Variants in ADAMTSL3 observed in about 807,000 individuals in gnomAD.
ADAMTSL3 encodes the protein ADAMTS-like protein 3.
A neutral mutation model predicts 201.7 loss-of-function variants in ADAMTSL3; 128 were observed. That is an observed-to-expected ratio of 0.63 (90% confidence interval 0.55 to 0.73). The LOEUF (loss-of-function observed/expected upper bound fraction) is 0.73, where lower values mean the gene tolerates loss of function less well. ADAMTSL3 is among the 30% of genes least tolerant of loss of function. The pLI is 0.00. For synonymous variants in ADAMTSL3, 738 were observed against 748.4 expected, an observed-to-expected ratio of 0.99 and a Z score of 0.23; for missense variants, 1,990 against 2,119.6, an observed-to-expected ratio of 0.94 and a Z score of 1.20.
At chr15:83,788,179 TTTCAC>T (rs1404867453) in intron 4 of ADAMTSL3, among the ~76,000 whole-genome samples, 2 of 152,158 alleles carry the variant, frequency 1.3e-5, no homozygotes. Context: ...TCATTCTAAT[TTTCAC>T]TTCACTAATT....
At chr15:83,724,735 T>A (rs2062148823) in intron 3 of ADAMTSL3, among the ~76,000 whole-genome samples, 1 of 152,152 alleles carries the variant, frequency 6.6e-6, no homozygotes, top group Admixed American at 6.6e-5. Flanking sequence ...ACCATTCTAC[T>A]GTGTATCCCC....
chr15:83,912,712 A>G (rs7174128), intron 15 of ADAMTSL3, among the ~76,000 whole-genome samples: 2,339 of 152,314 alleles, frequency 0.015, 60 homozygotes, highest in African/African-American at 0.05. Context: ...ATACTAATTT[A>G]CTGAATAAAT....
chr15:83,730,130 G>A (rs1332798449), intron 3 of ADAMTSL3, among the ~76,000 whole-genome samples: 1 of 152,104 alleles, frequency 6.6e-6, no homozygotes, highest in Non-Finnish European at 1.5e-5. Flanking sequence ...AAGTGTCAGA[G>A]AACAGGCAAC....
intron 3 of ADAMTSL3, among the ~76,000 whole-genome samples, chr15:83,745,013 T>G (rs995150071): frequency 6.6e-6 from 1 of 152,212 alleles, no homozygotes; most frequent in African/African-American, 2.4e-5. Context: ...TGTTTGCCTT[T>G]TCCAAAACCA....
chr15:84,007,504 A>G lies in ADAMTSL3; in HGVS notation c.3974-7038A>G, dbSNP rs146181085. 2.8e-4 allele frequency among the ~76,000 whole-genome samples: 43 copies of G among 152,230 alleles called. No individual in the cohort carries two copies. In the East Asian group the frequency reaches 8.1e-3, roughly 29 times the overall value. On this transcript the variant is annotated intron_variant, in intron 23 of 29. Transcript: ENST00000286744. The stretch of plus-strand genomic sequence containing the variant: ...CAGAAGTTTGAAGCTTCCGTATGCT[A>G]TGATCATGCCTGTGCATAGCCACTG...
At chr15:83,804,726 A>G (rs368786380) in intron 5 of ADAMTSL3, 31 bp downstream of exon 5, 18 of 1,507,940 alleles carry the variant, frequency 1.2e-5, no homozygotes, top group South Asian at 2.6e-5. Context: ...ATTTTATCCA[A>G]TACAATATGT....
intron 19 of ADAMTSL3, among the ~76,000 whole-genome samples, chr15:83,966,920 A>G (rs1185195638): frequency 6.6e-6 from 1 of 152,236 alleles, no homozygotes; most frequent in African/African-American, 2.4e-5. Context: ...AACAGAACCA[A>G]TTACAAAAAC....
At chr15:83,783,570 C>T (rs1393163241) in intron 4 of ADAMTSL3, among the ~76,000 whole-genome samples, 1 of 151,254 alleles carries the variant, frequency 6.6e-6, no homozygotes, top group Non-Finnish European at 1.5e-5. Context: ...ATAATGTGAA[C>T]CAAAATGAAA....
intron 29 of ADAMTSL3, among the ~76,000 whole-genome samples, 189 bp downstream of exon 29, chr15:84,037,176 T>C (rs2068527770): frequency 6.6e-6 from 1 of 152,164 alleles, no homozygotes; most frequent in African/African-American, 2.4e-5. Context: ...TGCAGCTGCA[T>C]GTTCTCTAGA....
intron 17 of ADAMTSL3, among the ~76,000 whole-genome samples, chr15:83,929,809 C>G (rs1227933009): frequency 6.6e-6 from 1 of 151,620 alleles, no homozygotes; most frequent in Non-Finnish European, 1.5e-5. Context: ...CACACTCAGA[C>G]TCACCCTAAG....
At chr15:83,678,722 CAATATATATATTGCCT>C (rs1300803407) in intron 2 of ADAMTSL3, among the ~76,000 whole-genome samples, 2 of 140,014 alleles carry the variant, frequency 1.4e-5, no homozygotes, top group Non-Finnish European at 3.1e-5. Context: ...TTATTTTAGG[CAATATATATATTGCCT>C]AATATATATA....
chr15:84,022,252 C>A (rs948707366), intron 26 of ADAMTSL3, among the ~76,000 whole-genome samples: 6 of 152,076 alleles, frequency 3.9e-5, no homozygotes, highest in African/African-American at 1.4e-4. Context: ...ATGGACTACT[C>A]CAGGAGTCTT....
chr15:84,008,501 A>G (rs550461801), intron 23 of ADAMTSL3, among the ~76,000 whole-genome samples: 3 of 152,222 alleles, frequency 2.0e-5, no homozygotes, highest in South Asian at 4.1e-4. Flanking sequence ...TTTGTTTTCT[A>G]CCTACCATAG....
chr15:83,712,956 G>GCTT (rs1437847116), intron 3 of ADAMTSL3, among the ~76,000 whole-genome samples: 14 of 152,226 alleles, frequency 9.2e-5, no homozygotes, highest in African/African-American at 3.1e-4. Context: ...TCCTATGCAT[G>GCTT]CTTCTACTAC....
At chr15:83,740,840 A>G (rs1367672022) in intron 3 of ADAMTSL3, among the ~76,000 whole-genome samples, 1 of 152,232 alleles carries the variant, frequency 6.6e-6, no homozygotes, top group Non-Finnish European at 1.5e-5. Flanking sequence ...GTATGAATTT[A>G]TAACAATTGA....
chr15:83,988,254 G>A (rs12101600), intron 21 of ADAMTSL3, among the ~76,000 whole-genome samples: 77 of 152,272 alleles, frequency 5.1e-4, no homozygotes, highest in African/African-American at 1.9e-3. Flanking sequence ...CTTAGCCAAA[G>A]CCCAATCACC....
chr15:83,660,011 C>T (rs145640858), intron 2 of ADAMTSL3, among the ~76,000 whole-genome samples: 1 of 152,260 alleles, frequency 6.6e-6, no homozygotes, highest in African/African-American at 2.4e-5. Context: ...GTTTTAAGAC[C>T]TAAATTTGTG....
intron 4 of ADAMTSL3, 77 bp downstream of exon 4, chr15:83,773,727 T>C (rs527485606): frequency 1.3e-6 from 2 of 1,504,474 alleles, no homozygotes; most frequent in Non-Finnish European, 1.8e-6. Context: ...GAGATAACTT[T>C]ATATGGCTTT....
At chr15:83,929,095 ATCTT>A (rs532655172) in intron 17 of ADAMTSL3, among the ~76,000 whole-genome samples, 7 of 152,206 alleles carry the variant, frequency 4.6e-5, no homozygotes, top group Non-Finnish European at 7.4e-5. Flanking sequence ...AAAGATCTTT[ATCTT>A]TCTAAGTTGC....
Sources: allele counts gnomAD v4.1 joint callset (sites outside exome capture counted in the v4.1 genomes callset), GRCh38; gene constraint gnomAD v4.1.1; transcripts MANE v1.5; gene names NCBI Gene and HGNC (gene_info 2026-07-23, HGNC 2026-07-21).